Variants in PCDHGA5 observed in about 807,000 individuals in gnomAD.
PCDHGA5 encodes protocadherin gamma-A5.
PCDHGA5 carries 36 observed loss-of-function variants against 56.7 expected under a neutral mutation model. The observed-to-expected ratio is 0.64, with a 90% CI of 0.49 to 0.84. PCDHGA5 has a LOEUF of 0.84. Among genes scored for constraint, PCDHGA5 ranks in the 40% least tolerant of loss-of-function variants. The probability of loss-of-function intolerance (pLI) is 0.00; values close to 1 mark genes in which losing one functional copy is unlikely to be tolerated. For missense variants in PCDHGA5, 1,305 were observed against 1,201.5 expected, an observed-to-expected ratio of 1.09 and a Z score of -1.27; for synonymous variants, 563 against 520.2, an observed-to-expected ratio of 1.08 and a Z score of -1.12.
chr5:141,415,961 C>T, intron 1 of PCDHGA5: 1 of 438,836 alleles, frequency 2.3e-6, no homozygotes, highest in Non-Finnish European at 3.6e-6. Context: ...TATTGAAACT[C>T]CAGCCCCTTA....
At chr5:141,392,632 C>A in intron 1 of PCDHGA5, 1 of 610,258 alleles carries the variant, frequency 1.6e-6, no homozygotes, top group Non-Finnish European at 2.7e-6. Context: ...ACTCAGATCT[C>A]ACACCTCACG....
intron 2 of PCDHGA5, among the ~76,000 whole-genome samples, chr5:141,502,537 G>A (rs900570745): frequency 2.0e-5 from 3 of 152,042 alleles, no homozygotes; most frequent in Admixed American, 6.6e-5. Context: ...GTTTGTTCGT[G>A]TGGTAAAAAC....
At chr5:141,394,893 G>A (rs769819389) in intron 1 of PCDHGA5, 7 of 1,613,858 alleles carry the variant, frequency 4.3e-6, no homozygotes, top group South Asian at 2.2e-5. Context: ...ACTCTATCTC[G>A]TGGTGGCAGT....
At chr5:141,510,810 A>G (rs1455434913) in intron 3 of PCDHGA5, 137 bp from the exon 4 acceptor site, 19 of 1,519,650 alleles carry the variant, frequency 1.3e-5, no homozygotes, top group Admixed American at 2.0e-5. Flanking sequence ...TACCTTGGTG[A>G]CCCCTATATT....
In PCDHGA5 at chr5:141,366,494, T is replaced by C. The variant is rs1764591738; in HGVS notation, c.2164T>C (p.Ser722Pro). 1.2e-6 allele frequency: 2 copies of C among 1,614,234 alleles called. No homozygotes were observed. The change falls in exon 1 of 4, where the codon TCA becomes CCA. Residue 722 changes from serine (S) to proline (P), a missense_variant. By Grantham distance (74) the Ser-to-Pro change is moderately conservative. Coordinates refer to ENST00000518069, the MANE Select transcript of PCDHGA5 (RefSeq NM_018918.3). The stretch of plus-strand genomic sequence containing the variant: ...GCTCAGACTGAGGCGCTGGCACAAG[T>C]CACGCCTGCTTCAGGCTGAAGGCAG... ...LVLRLRRWHK[S>P]RLLQAEGSRL... is the part of the protein sequence containing the mutation.
chr5:141,472,769 T>C (rs2154571402), intron 1 of PCDHGA5, among the ~76,000 whole-genome samples: 1 of 151,816 alleles, frequency 6.6e-6, no homozygotes, highest in South Asian at 2.1e-4. Context: ...GCAGATCACC[T>C]GAGGTTGGGA....
intron 2 of PCDHGA5, among the ~76,000 whole-genome samples, chr5:141,499,115 C>G (rs940275925): frequency 6.6e-6 from 1 of 152,124 alleles, no homozygotes; most frequent in Non-Finnish European, 1.5e-5. Flanking sequence ...CACCACTATC[C>G]CTTCTCAGGT....
Position 141,433,020 on chromosome 5 carries a change from C to T in PCDHGA5, c.2422-61787C>T, listed in dbSNP as rs761127608. 1.1e-5 allele frequency: 17 copies of T among 1,614,152 alleles called. No individual in the cohort carries two copies. The South Asian group carries it at 1.9e-4, about 18-fold the overall frequency. On this transcript the variant is annotated intron_variant, in intron 1 of 3. Coordinates refer to ENST00000518069, the MANE Select transcript of PCDHGA5 (RefSeq NM_018918.3). ...GTGCAGGCTTTCCTGCAGACCTATTCCCACGAGGTTTCCCTCACCACGGAC... is the reference window on the plus strand; with the variant it reads ...GTGCAGGCTTTCCTGCAGACCTATTTCCACGAGGTTTCCCTCACCACGGAC...
chr5:141,371,888 G>C (rs1464333099), intron 1 of PCDHGA5: 1 of 1,613,320 alleles, frequency 6.2e-7, no homozygotes, highest in East Asian at 2.2e-5. Context: ...ACCTGGAGCC[G>C]CGGGAGCTGT....
chr5:141,463,438 CTTTTTTTTTTTTTTT>C (rs71576115), intron 1 of PCDHGA5, among the ~76,000 whole-genome samples: 7 of 103,256 alleles, frequency 6.8e-5, no homozygotes, highest in African/African-American at 3.1e-4. Flanking sequence ...TTTCCTTCTC[CTTTTTTTTTTTTTTT>C]TTTTTTTTTT....
Position 141,432,093 on chromosome 5 carries a change from CCAACGA to C in PCDHGA5, c.2422-62709_2422-62704del. 1.2e-6 allele frequency: 2 copies of C among 1,614,170 alleles called. No individual in the cohort carries two copies. The highest frequency in any genetic ancestry group is 1.7e-6 in the Non-Finnish European group (2 of 1,180,046). On this transcript the variant is annotated intron_variant, in intron 1 of 3. Coordinates refer to ENST00000518069, the MANE Select transcript of PCDHGA5 (RefSeq NM_018918.3). The surrounding 1 kb of genome is among the most constrained non-coding windows in gnomAD (Gnocchi z 6.0). ...CATATCTCGCTGAACGTGGCAGACA[CCAACGA>C]CAACCCGCCGGTCTTCCCTCAGGCC...
In PCDHGA5 at chr5:141,490,925, C is replaced by T; in HGVS notation, c.2422-3882C>T. 1 of 1,613,688 alleles carries T rather than the reference C, an allele frequency of 6.2e-7. No homozygotes were observed. The highest frequency in any genetic ancestry group is 8.5e-7 in the Non-Finnish European group (1 of 1,179,700). On this transcript the variant is annotated intron_variant, in intron 1 of 3. Coordinates refer to ENST00000518069, the MANE Select transcript of PCDHGA5 (RefSeq NM_018918.3). The surrounding 1 kb of genome is among the most constrained non-coding windows in gnomAD (Gnocchi z 5.4). ...GTCCTAGACGAGAATGATAATGCCC[C>T]AGCTGTGCTGCACCCACGGCCAGAC... is the stretch of plus-strand genomic sequence containing the variant.
intron 1 of PCDHGA5, chr5:141,423,526 A>G (rs1229909527): frequency 6.2e-7 from 1 of 1,613,690 alleles, no homozygotes; most frequent in Non-Finnish European, 8.5e-7. Flanking sequence ...CTCGCAGAAG[A>G]GTCACCTGAT....
chr5:141,435,882 C>G (rs780080571), intron 1 of PCDHGA5, among the ~76,000 whole-genome samples: 1 of 152,060 alleles, frequency 6.6e-6, no homozygotes, highest in African/African-American at 2.4e-5. Context: ...AGATTGGAAA[C>G]CCCTTAGAGA....
Position 141,432,804 on chromosome 5 carries a change from C to T in PCDHGA5, c.2422-62003C>T, listed in dbSNP as rs1482036720. The T allele has an allele frequency of 1.2e-6, 2 of 1,614,182 alleles. No individual in the cohort carries two copies. Among genetic ancestry groups the T allele is most frequent in the Non-Finnish European group, 1.7e-6 (2 of 1,180,008 alleles). ...GACCTCGGCAGCCTCGAGTCTCCAG[C>T]TAACTCTGAAACCTCAGACCTCACT... is the stretch of plus-strand genomic sequence containing the variant. On this transcript the variant is annotated intron_variant, in intron 1 of 3. Transcript: ENST00000518069. This position sits in a 1 kb window ranked among gnomAD's most constrained non-coding sequence, Gnocchi z 6.0.
rs1163553261 is a variant in PCDHGA5 at position 141,365,192 on chromosome 5, A to G, written c.862A>G (p.Ile288Val). ...TYSFRNEEEK[I>V]SETFQLDSNL... ...CTCTTTTCGCAATGAAGAAGAAAAA[A>G]TTTCGGAGACTTTCCAACTTGATTC... Residue 288 changes from isoleucine to valine, a missense_variant, in exon 1 of 4, where the codon ATT (isoleucine) becomes GTT (valine). Physicochemically the swap from Ile to Val is conservative, Grantham distance 29. Coordinates refer to ENST00000518069, the MANE Select transcript of PCDHGA5 (RefSeq NM_018918.3). 1.2e-6 allele frequency: 2 copies of G among 1,613,812 alleles called. No individual in the cohort carries two copies. The highest frequency in any genetic ancestry group is 2.7e-5 in the African/African-American group (2 of 74,932).
intron 1 of PCDHGA5, among the ~76,000 whole-genome samples, chr5:141,460,959 A>ATG (rs1248175237): frequency 7.9e-6 from 1 of 126,082 alleles, no homozygotes; most frequent in Non-Finnish European, 1.6e-5. Flanking sequence ...ATGTATATAT[A>ATG]TATGTGTGTG....
intron 1 of PCDHGA5, chr5:141,372,404 G>A (rs761162819): frequency 2.6e-5 from 42 of 1,613,928 alleles, no homozygotes; most frequent in Non-Finnish European, 2.8e-5. Context: ...GCTTGCAAGA[G>A]ATACAACCTG....
rs145569377 is a variant in PCDHGA5 at position 141,455,860 on chromosome 5, ATTATTTATTTATTTATTTATTTATTTAT to A, written c.2422-38920_2422-38893del. Among the ~76,000 whole-genome samples the A allele has an allele frequency of 5.0e-5, 7 of 139,848 alleles. No individual in the cohort carries two copies. The South Asian group carries it at 9.2e-4, about 18-fold the overall frequency. 91.7% of individuals were successfully genotyped at this position (139,848 alleles called of 152,430 possible). On this transcript the variant is annotated intron_variant, in intron 1 of 3. Transcript: ENST00000518069. ...CTATCTGCATAAAATAATTTCTTTT[ATTATTTATTTATTTATTTATTTATTTAT>A]TTATTTATTTATTTATTTATTTATT...
Sources: allele counts gnomAD v4.1 joint callset (sites outside exome capture counted in the v4.1 genomes callset), GRCh38; gene constraint gnomAD v4.1.1; non-coding constraint Gnocchi (gnomAD v3.1); transcripts MANE v1.5; gene names NCBI Gene and HGNC (gene_info 2026-07-23, HGNC 2026-07-21).